Variants in GRIN2B observed in about 807,000 individuals in gnomAD.
The protein encoded by GRIN2B is glutamate ionotropic receptor NMDA type subunit 2B, also known as glutamate receptor ionotropic, NMDA 2B.
Under a neutral mutation model 114.5 loss-of-function variants are expected in GRIN2B, and 5 were observed. That is an observed-to-expected ratio of 0.04 (90% CI 0.02 to 0.09). The LOEUF (loss-of-function observed/expected upper bound fraction) is 0.09, where lower values mean the gene tolerates loss of function less well. Ranked by LOEUF, GRIN2B falls within the 10% of genes least tolerant of loss-of-function variation. GRIN2B has a pLI of 1.00. For synonymous variants in GRIN2B, 787 were observed against 745.1 expected, an observed-to-expected ratio of 1.06 and a Z score of -0.92; for missense variants, 1,108 against 1,943.5, an observed-to-expected ratio of 0.57 and a Z score of 8.08.
chr12:13,902,697 C>A (rs948274265), intron 2 of GRIN2B, among the ~76,000 whole-genome samples: 2 of 151,998 alleles, frequency 1.3e-5, no homozygotes, highest in Non-Finnish European at 2.9e-5. Context: ...TGTAATCTCA[C>A]CTACTCAGAA....
intron 2 of GRIN2B, among the ~76,000 whole-genome samples, chr12:13,890,388 G>A (rs1866238813): frequency 6.6e-6 from 1 of 152,142 alleles, no homozygotes; most frequent in African/African-American, 2.4e-5. Flanking sequence ...GGTTCTGAAA[G>A]CCATATTGGG....
At chr12:13,627,085 C>G (rs1327332736) in intron 5 of GRIN2B, among the ~76,000 whole-genome samples, 2 of 151,934 alleles carry the variant, frequency 1.3e-5, no homozygotes, top group Non-Finnish European at 2.9e-5. Context: ...AATTCAGAAG[C>G]CCTGGGCAGC....
At chr12:13,742,654 C>T (rs1863306997) in intron 4 of GRIN2B, among the ~76,000 whole-genome samples, 1 of 152,084 alleles carries the variant, frequency 6.6e-6, no homozygotes, top group African/African-American at 2.4e-5. Flanking sequence ...TGGTCTCAAC[C>T]CCCTGACCTC....
At chr12:13,681,961 A>T (rs913082232) in intron 4 of GRIN2B, among the ~76,000 whole-genome samples, 1 of 152,172 alleles carries the variant, frequency 6.6e-6, no homozygotes, top group African/African-American at 2.4e-5. Context: ...GTACCTCTAG[A>T]AATAGTAGAA....
chr12:13,965,282 G>A (rs1867770973), intron 2 of GRIN2B, among the ~76,000 whole-genome samples: 1 of 152,142 alleles, frequency 6.6e-6, no homozygotes. Flanking sequence ...TTGCAACCTA[G>A]TATTTATGCT....
intron 2 of GRIN2B, among the ~76,000 whole-genome samples, chr12:13,888,053 A>T (rs1466704411): frequency 1.3e-5 from 2 of 152,230 alleles, no homozygotes; most frequent in Admixed American, 1.3e-4. Context: ...CTGAATTGGT[A>T]TCAGAAAGAG....
At chr12:13,968,627 A>G (rs1867828046) in intron 2 of GRIN2B, among the ~76,000 whole-genome samples, 1 of 152,344 alleles carries the variant, frequency 6.6e-6, no homozygotes, top group African/African-American at 2.4e-5. Context: ...TGGCACCAAT[A>G]TATATCCTCT....
intron 5 of GRIN2B, among the ~76,000 whole-genome samples, chr12:13,643,359 T>C (rs1457740786): frequency 6.6e-6 from 1 of 152,158 alleles, no homozygotes; most frequent in African/African-American, 2.4e-5. Flanking sequence ...CTGTTAAGTG[T>C]ACAATAGCAT....
At position 13,559,563 on chromosome 12, in the gene GRIN2B, C is replaced by T. The variant is rs1948514524; in HGVS notation, c.*3220G>A. On this transcript the variant is annotated 3_prime_UTR_variant, in exon 14 of 14. Coordinates refer to ENST00000609686, the MANE Select transcript of GRIN2B (RefSeq NM_000834.5). ...GCACCATTGCTCACATACCCACCCT[C>T]CCACGTCTAAACCTAACTTCAGCAA... is the stretch of plus-strand genomic sequence containing the variant. The T allele has an allele frequency of 1.3e-5, 2 of 152,238 alleles. No individual in the cohort carries two copies. Among genetic ancestry groups the T allele is most frequent in the Admixed American group, 1.3e-4 (2 of 15,282 alleles). The allele number at this position is 152,238 out of a possible 1,614,324, so 9.4% of individuals were successfully genotyped here. A position where few individuals can be genotyped will look rare whatever the true frequency, so the allele number is the denominator to read the frequency against.
Position 13,753,941 on chromosome 12 carries a change from G to A in GRIN2B, c.412-26C>T. ...CTAGAAAAAGAACAGGACAAAAAAA[G>A]GAAGAGAGAAAAAAATCAAACCAAA... On this transcript the variant is annotated intron_variant, in intron 3 of 13. Coordinates refer to ENST00000609686, the MANE Select transcript of GRIN2B (RefSeq NM_000834.5). This position sits in a 1 kb window ranked among gnomAD's most constrained non-coding sequence, Gnocchi z 6.2. 6.7e-7 allele frequency: 1 copy of A among 1,484,670 alleles called. No homozygotes were observed. Among genetic ancestry groups the A allele is most frequent in the Non-Finnish European group, 9.4e-7 (1 of 1,063,242 alleles). The allele number at this position is 1,484,670 out of a possible 1,614,324, so 92.0% of individuals were successfully genotyped here.
At position 13,564,112 on chromosome 12, in the gene GRIN2B, G is replaced by C; in HGVS notation, c.3126C>G (p.Phe1042Leu). 6.2e-7 allele frequency: 1 copy of C among 1,614,188 alleles called. No individual in the cohort carries two copies. Among genetic ancestry groups the C allele is most frequent in the Non-Finnish European group, 8.5e-7 (1 of 1,180,042 alleles). ...HSQLSDLYGK[F>L]SFKSDRYSGH... ...CACTGTAGCGGTCGCTCTTGAAGGAGAATTTGCCGTACAGGTCACTGAGCT... is the reference window on the plus strand; with the variant it reads ...CACTGTAGCGGTCGCTCTTGAAGGACAATTTGCCGTACAGGTCACTGAGCT... The change falls in exon 14 of 14, where the codon TTC becomes TTG. Residue 1042 changes from phenylalanine to leucine, a missense_variant. Phe to Leu is a conservative substitution (Grantham distance 22, BLOSUM62 0). Around this residue, in one of 19 missense-constraint regions of GRIN2B, gnomAD observed 140 missense variants for 187.5 expected, o/e 0.75. Coordinates refer to ENST00000609686, the MANE Select transcript of GRIN2B (RefSeq NM_000834.5). This position sits in a 1 kb window ranked among gnomAD's most constrained non-coding sequence, Gnocchi z 4.8.
intron 2 of GRIN2B, among the ~76,000 whole-genome samples, chr12:13,961,365 G>A (rs1299549912): frequency 6.6e-6 from 1 of 152,080 alleles, no homozygotes; most frequent in African/African-American, 2.4e-5. Context: ...GGAGGGGTGA[G>A]AGAGATACCA....
chr12:13,854,088 A>T (rs1865617301), intron 3 of GRIN2B, among the ~76,000 whole-genome samples: 1 of 152,200 alleles, frequency 6.6e-6, no homozygotes. Flanking sequence ...GATGGTAGAG[A>T]AGAAAAAATA....
At chr12:13,708,638 ATACTT>A (rs146238408) in intron 4 of GRIN2B, among the ~76,000 whole-genome samples, 3,076 of 152,158 alleles carry the variant, frequency 0.02, 118 homozygotes, top group African/African-American at 0.07. Flanking sequence ...TTTATGCTAA[ATACTT>A]TACATATATC....
chr12:13,590,250 C>A (rs1948987917), intron 10 of GRIN2B, among the ~76,000 whole-genome samples: 1 of 152,010 alleles, frequency 6.6e-6, no homozygotes, highest in African/African-American at 2.4e-5. Flanking sequence ...ATTTTAAGTT[C>A]TGGGATACAT....
At chr12:13,964,492 A>T (rs184125573) in intron 2 of GRIN2B, among the ~76,000 whole-genome samples, 3 of 152,222 alleles carry the variant, frequency 2.0e-5, no homozygotes, top group African/African-American at 7.2e-5. Flanking sequence ...GCTGTTCTCC[A>T]AAGTCTTCAC....
At chr12:13,864,296 G>T (rs963382567) in intron 3 of GRIN2B, among the ~76,000 whole-genome samples, 1 of 152,130 alleles carries the variant, frequency 6.6e-6, no homozygotes, top group African/African-American at 2.4e-5. Flanking sequence ...GTCATGCAAG[G>T]TTCCTTTAGT....
chr12:13,799,716 A>G (rs11055624), intron 3 of GRIN2B, among the ~76,000 whole-genome samples: 1 of 151,832 alleles, frequency 6.6e-6, no homozygotes, highest in Non-Finnish European at 1.5e-5. Flanking sequence ...GGAAAGGAGG[A>G]GCAGGGAAGG....
intron 3 of GRIN2B, among the ~76,000 whole-genome samples, chr12:13,818,189 T>A (rs1864865420): frequency 6.6e-6 from 1 of 152,196 alleles, no homozygotes; most frequent in African/African-American, 2.4e-5. Flanking sequence ...TGCAAGGCAT[T>A]TCAATATTCT....
Sources: gnomAD v4.1 joint callset for allele counts (sites outside exome capture counted in the v4.1 genomes callset) on GRCh38, gnomAD v4.1.1 for gene constraint, gnomAD v4.1.1 regional missense constraint, Gnocchi (gnomAD v3.1) non-coding constraint, MANE v1.5 for transcripts, NCBI Gene and HGNC (gene_info 2026-07-23, HGNC 2026-07-21) for gene names.